The following SSBP2 variants were observed in gnomAD, a reference collection of about 807,000 sequenced individuals.
SSBP2 encodes the protein single stranded DNA binding protein 2, also known as single-stranded DNA-binding protein 2.
A neutral mutation model predicts 61.8 loss-of-function variants in SSBP2; 17 were observed. The ratio of observed to expected loss-of-function variants is 0.28; its 90% CI spans 0.19 to 0.41. SSBP2 has a LOEUF of 0.41. Among genes scored for constraint, SSBP2 ranks in the 10% least tolerant of loss-of-function variants. SSBP2 has a pLI of 1.00. For missense variants in SSBP2, 310 were observed against 458.7 expected, an observed-to-expected ratio of 0.68 and a Z score of 2.96; for synonymous variants, 139 against 141.3, an observed-to-expected ratio of 0.98 and a Z score of 0.12.
chr5:81,509,475 T>C (rs1214757245), intron 5 of SSBP2, among the ~76,000 whole-genome samples: 1 of 152,196 alleles, frequency 6.6e-6, no homozygotes, highest in Non-Finnish European at 1.5e-5. Context: ...TATTTTGACA[T>C]TATGACCAGA....
At chr5:81,652,785 G>A (rs866642255) in intron 1 of SSBP2, among the ~76,000 whole-genome samples, 9 of 151,600 alleles carry the variant, frequency 5.9e-5, no homozygotes, top group African/African-American at 2.2e-4. Flanking sequence ...TTTTGGGAAC[G>A]AGCTGTGTTT....
intron 5 of SSBP2, among the ~76,000 whole-genome samples, chr5:81,513,296 A>T (rs1768760501): frequency 6.6e-6 from 1 of 152,126 alleles, no homozygotes; most frequent in Admixed American, 6.6e-5. Context: ...TTGTATAGTT[A>T]ATATCCATCT....
intron 4 of SSBP2, among the ~76,000 whole-genome samples, chr5:81,514,749 T>C (rs925758104): frequency 6.6e-6 from 1 of 152,014 alleles, no homozygotes; most frequent in South Asian, 2.1e-4. Context: ...AGTATGTTTG[T>C]AGCACACATT....
chr5:81,489,418 C>A, intron 5 of SSBP2, 109 bp from the exon 6 acceptor site: 2 of 911,322 alleles, frequency 2.2e-6, no homozygotes, highest in South Asian at 3.6e-5. Context: ...AATCACAAAT[C>A]AATGTACTTT....
chr5:81,483,205 C>T lies in SSBP2; in HGVS notation c.432+6045G>A, dbSNP rs138270827. ...TGAAAAAATTTTAATATGAGAGTTA[C>T]CAAAACGTGACACAGAGACACAAAG... On this transcript the variant is annotated intron_variant, in intron 6 of 16. Transcript: ENST00000320672. Among the ~76,000 whole-genome samples the T allele has an allele frequency of 2.4e-4, 36 of 152,190 alleles. No homozygotes were observed. The Middle Eastern group carries it at 0.01, about 43-fold the overall frequency.
chr5:81,723,258 A>G (rs1250959649), intron 1 of SSBP2, among the ~76,000 whole-genome samples: 1 of 152,038 alleles, frequency 6.6e-6, no homozygotes, highest in Admixed American at 6.5e-5. Flanking sequence ...TAAGAGTTAT[A>G]TATTTAGTAA....
chr5:81,467,683 T>C (rs1452283469), intron 8 of SSBP2, among the ~76,000 whole-genome samples: 1 of 152,026 alleles, frequency 6.6e-6, no homozygotes, highest in East Asian at 1.9e-4. Context: ...TACATGTTAT[T>C]AGATTAGTTT....
At chr5:81,623,264 T>C (rs1382490696) in intron 3 of SSBP2, among the ~76,000 whole-genome samples, 1 of 151,732 alleles carries the variant, frequency 6.6e-6, no homozygotes, top group African/African-American at 2.4e-5. Context: ...TAATTTCCAC[T>C]CAAGTAACAG....
intron 1 of SSBP2, among the ~76,000 whole-genome samples, chr5:81,711,065 CA>C (rs951208990): frequency 2.0e-5 from 3 of 151,922 alleles, no homozygotes; most frequent in Non-Finnish European, 4.4e-5. Flanking sequence ...ATAAAAATAA[CA>C]AATCTGATTC....
chr5:81,737,551 G>A (rs1756703400), intron 1 of SSBP2, among the ~76,000 whole-genome samples: 1 of 152,000 alleles, frequency 6.6e-6, no homozygotes, highest in Non-Finnish European at 1.5e-5. Context: ...GGGAGGCCAA[G>A]GCAGGCGGAT....
intron 1 of SSBP2, among the ~76,000 whole-genome samples, chr5:81,696,577 T>G (rs1241538063): frequency 6.6e-6 from 1 of 152,210 alleles, no homozygotes; most frequent in Non-Finnish European, 1.5e-5. Flanking sequence ...TTGAAACTCA[T>G]TCTGAAAGAC....
At chr5:81,537,959 T>C (rs1184887040) in intron 4 of SSBP2, among the ~76,000 whole-genome samples, 1 of 152,144 alleles carries the variant, frequency 6.6e-6, no homozygotes, top group African/African-American at 2.4e-5. Context: ...ATATTAAAAT[T>C]AGGCCAATTA....
intron 10 of SSBP2, among the ~76,000 whole-genome samples, chr5:81,456,157 G>A (rs574853263): frequency 6.6e-6 from 1 of 152,228 alleles, no homozygotes. Flanking sequence ...ACTATTTGGA[G>A]TAATTTGTTC....
chr5:81,432,969 T>C (rs1762415593), intron 15 of SSBP2, among the ~76,000 whole-genome samples: 1 of 124,966 alleles, frequency 8.0e-6, no homozygotes, highest in South Asian at 2.5e-4. Context: ...AGCCGCCCCG[T>C]CCGGGAGGGA....
intron 9 of SSBP2, among the ~76,000 whole-genome samples, chr5:81,466,216 G>A (rs2154008635): frequency 6.6e-6 from 1 of 152,046 alleles, no homozygotes; most frequent in African/African-American, 2.4e-5. Flanking sequence ...ATTAATGAAA[G>A]TCACTAACAA....
intron 3 of SSBP2, among the ~76,000 whole-genome samples, chr5:81,618,338 G>C (rs1746259495): frequency 9.7e-6 from 1 of 103,038 alleles, no homozygotes; most frequent in South Asian, 3.4e-4. Context: ...AACCAACAAA[G>C]ATGAAAAGAG....
At chr5:81,650,724 T>G (rs1047688451) in intron 1 of SSBP2, among the ~76,000 whole-genome samples, 1 of 152,140 alleles carries the variant, frequency 6.6e-6, no homozygotes, top group African/African-American at 2.4e-5. Context: ...CCCAATACTT[T>G]ATGTCCTTCA....
chr5:81,577,756 A>C (rs1250973328), intron 4 of SSBP2, among the ~76,000 whole-genome samples: 1 of 152,016 alleles, frequency 6.6e-6, no homozygotes, highest in Non-Finnish European at 1.5e-5. Context: ...CCTATATTAC[A>C]TAAATTATTA....
chr5:81,563,536 A>T (rs544412932), intron 4 of SSBP2, among the ~76,000 whole-genome samples: 1 of 152,236 alleles, frequency 6.6e-6, no homozygotes, highest in African/African-American at 2.4e-5. Flanking sequence ...AAGGACACTG[A>T]AACAGTGTAG....
Sources: allele counts gnomAD v4.1 joint callset (sites outside exome capture counted in the v4.1 genomes callset), GRCh38; gene constraint gnomAD v4.1.1; transcripts MANE v1.5; gene names NCBI Gene and HGNC (gene_info 2026-07-23, HGNC 2026-07-21).